The following RGS12 variants were observed in gnomAD, a reference collection of about 807,000 sequenced individuals.
The protein encoded by RGS12 is regulator of G protein signaling 12.
Under a neutral mutation model 120.1 loss-of-function variants are expected in RGS12, and 66 were observed. The ratio of observed to expected loss-of-function variants is 0.55; its 90% CI spans 0.45 to 0.67. The LOEUF (loss-of-function observed/expected upper bound fraction) is 0.67. Ranked by LOEUF, RGS12 falls within the 30% of genes least tolerant of loss-of-function variation. RGS12 has a pLI of 0.00. For synonymous variants in RGS12, 827 were observed against 804.7 expected (o/e 1.03, Z -0.47); for missense variants, 1,859 against 1,957.7 (o/e 0.95, Z 0.95).
Position 3,317,594 on chromosome 4 carries a change from C to G in RGS12, c.1424C>G (p.Pro475Arg). 3 of 1,592,622 alleles carry G rather than the reference C, an allele frequency of 1.9e-6. No homozygotes were observed. The highest frequency in any genetic ancestry group is 2.6e-6 in the Non-Finnish European group (3 of 1,168,960). The change falls in exon 2 of 18, where the codon CCC becomes CGC. Residue 475 changes from proline (P) to arginine (R), a missense_variant. Physicochemically the swap from Pro to Arg is moderately radical, Grantham distance 103. This residue lies in a region of RGS12 where 967 missense variants were observed against 994.2 expected (regional missense o/e 0.97). Transcript: ENST00000336727. The part of the protein sequence containing the change: ...AQPWGAPWTG[P>R]FCPDPEGSPP... ...CCCTGGGGTGCTCCCTGGACTGGGC[C>G]CTTCTGTCCGGACCCCGAAGGGAGC...
chr4:3,316,994 A>G lies in RGS12; in HGVS notation c.824A>G (p.Lys275Arg), dbSNP rs759713868. The G allele has an allele frequency of 6.2e-6, 10 of 1,613,684 alleles. No homozygotes were observed. In the East Asian group the frequency reaches 1.6e-4, roughly 25 times the overall value. ...AAAATCCACTCGCTGGTGACCATGA[A>G]GATCATGCACGACTGTGTGCAGCTG... ...EQKIHSLVTM[K>R]IMHDCVQLST... Residue 275 changes from lysine to arginine, a missense_variant, in exon 2 of 18, where the codon AAG (lysine) becomes AGG (arginine). Lys to Arg is a conservative substitution (Grantham distance 26). Coordinates refer to ENST00000336727, the MANE Select transcript of RGS12 (RefSeq NM_001394154.1).
rs1716172214 is a variant in RGS12 at position 3,365,184 on chromosome 4, G to A, written c.1999-21232G>A. On this transcript the variant is annotated intron_variant, in intron 3 of 17. Coordinates refer to ENST00000336727, the MANE Select transcript of RGS12 (RefSeq NM_001394154.1). The surrounding 1 kb of genome is among the most constrained non-coding windows in gnomAD (Gnocchi z 4.0). Reference sequence around the variant, plus strand: ...AGAGGGGATGTTCAGGGCCAGGGATGGCAGACCGCAGTCCCCGGCCAGATC... The same window carrying A: ...AGAGGGGATGTTCAGGGCCAGGGATAGCAGACCGCAGTCCCCGGCCAGATC... Among the ~76,000 whole-genome samples, 1 of 152,178 alleles carries A rather than the reference G, an allele frequency of 6.6e-6. No individual in the cohort carries two copies.
intron 17 of RGS12, chr4:3,432,078 G>A (rs1159201753): frequency 2.0e-6 from 2 of 985,308 alleles, no homozygotes; most frequent in East Asian, 2.3e-4. Flanking sequence ...CCCCTGGCCT[G>A]AGTCCCCCTC....
chr4:3,431,833 C>T, intron 17 of RGS12: 1 of 985,642 alleles, frequency 1.0e-6, no homozygotes, highest in Non-Finnish European at 1.2e-6. Flanking sequence ...TGCCCTGGTC[C>T]AGGATGCTGA....
intron 4 of RGS12, among the ~76,000 whole-genome samples, chr4:3,393,927 G>A (rs553878819): frequency 1.1e-4 from 17 of 152,274 alleles, no homozygotes; most frequent in Middle Eastern, 3.4e-3. Flanking sequence ...CCCCAGGCCC[G>A]TCCCTGGAGC....
At chr4:3,311,209 T>C (rs1258839768) in intron 1 of RGS12, among the ~76,000 whole-genome samples, 2 of 152,206 alleles carry the variant, frequency 1.3e-5, no homozygotes, top group Non-Finnish European at 2.9e-5. Context: ...TCACACTGTG[T>C]GCACGGGCAG....
intron 3 of RGS12, among the ~76,000 whole-genome samples, chr4:3,345,680 C>T (rs374005445): frequency 6.6e-6 from 1 of 152,214 alleles, no homozygotes; most frequent in Non-Finnish European, 1.5e-5. Flanking sequence ...ATCATCTCAA[C>T]GCGCTGGGCC....
At chr4:3,349,753 A>T (rs1318352619) in intron 3 of RGS12, among the ~76,000 whole-genome samples, 2 of 152,192 alleles carry the variant, frequency 1.3e-5, no homozygotes, top group Non-Finnish European at 2.9e-5. Flanking sequence ...TTTTCCCGTT[A>T]CATAATTACT....
rs368805733 is a variant in RGS12 at position 3,436,257 on chromosome 4, G to T, written c.4115-3198G>T. ...GTGGTGGGAAGGCTGGGAAGGGAAGGGGCCTTGGGAGCCACAGTGGATTGT... is the reference window on the plus strand; with the variant it reads ...GTGGTGGGAAGGCTGGGAAGGGAAGTGGCCTTGGGAGCCACAGTGGATTGT... On this transcript the variant is annotated intron_variant, in intron 17 of 17. Coordinates refer to ENST00000336727, the MANE Select transcript of RGS12 (RefSeq NM_001394154.1). 6.7e-4 allele frequency among the ~76,000 whole-genome samples: 102 copies of T among 152,278 alleles called. 1 individual carries two copies. The highest frequency in any genetic ancestry group is 2.4e-3 in the African/African-American group (98 of 41,544).
intron 1 of RGS12, among the ~76,000 whole-genome samples, chr4:3,315,512 G>C (rs1272224037): frequency 6.6e-6 from 1 of 152,182 alleles, no homozygotes; most frequent in African/African-American, 2.4e-5. Context: ...AAATTAATGT[G>C]GGAGGGTCAT....
intron 2 of RGS12, among the ~76,000 whole-genome samples, chr4:3,323,133 G>A (rs1725314445): frequency 6.6e-6 from 1 of 152,240 alleles, no homozygotes; most frequent in African/African-American, 2.4e-5. Flanking sequence ...CGTGCCCCTC[G>A]GTGGGAGGAC....
chr4:3,330,678 C>T (rs974175776), intron 2 of RGS12, among the ~76,000 whole-genome samples: 2 of 152,194 alleles, frequency 1.3e-5, no homozygotes, highest in South Asian at 2.1e-4. Context: ...TAAAGTAATA[C>T]GAGTTTCTAT....
rs151270602 is a variant in RGS12, at chr4:3,430,855, C to T, written c.4014C>T (p.Ala1338=). 5.0e-4 allele frequency: 803 copies of T among 1,611,770 alleles called. 3 individuals are homozygous for T. The highest frequency in any genetic ancestry group is 2.1e-3 in the Middle Eastern group (13 of 6,076). The change falls in exon 17 of 18, where the codon GCC becomes GCT. Residue 1338 remains alanine, a synonymous_variant. Coordinates refer to ENST00000336727, the MANE Select transcript of RGS12 (RefSeq NM_001394154.1). The part of the protein sequence containing the change: ...GIQTVEDEHV[A]ELTLMGEGDI... ...AGACGGTGGAGGATGAGCACGTGGC[C>T]GAGCTGACCCTGATGGGGGAGGGGG...
chr4:3,294,439 A>G (rs1023921563), intron 1 of RGS12, among the ~76,000 whole-genome samples: 5 of 151,784 alleles, frequency 3.3e-5, no homozygotes, highest in African/African-American at 1.2e-4. Flanking sequence ...ACCAGTTTAT[A>G]TTTCACTTTA....
chr4:3,378,684 G>C (rs535720978), intron 3 of RGS12: 1 of 152,322 alleles, frequency 6.6e-6, no homozygotes, highest in African/African-American at 2.4e-5. Flanking sequence ...CATCACCAGA[G>C]AAATGCAGTC....
At chr4:3,337,305 G>A (rs968418406) in intron 2 of RGS12, among the ~76,000 whole-genome samples, 3 of 152,258 alleles carry the variant, frequency 2.0e-5, no homozygotes, top group African/African-American at 7.2e-5. Context: ...GGGAAACAGT[G>A]TGGTGGCTCC....
At chr4:3,296,511 C>A (rs772534503) in intron 1 of RGS12, among the ~76,000 whole-genome samples, 1 of 152,180 alleles carries the variant, frequency 6.6e-6, no homozygotes, top group Admixed American at 6.5e-5. Flanking sequence ...CTGCCATGTT[C>A]AAATTTCCAG....
At chr4:3,375,134 AG>A (rs1424820500) in intron 3 of RGS12, among the ~76,000 whole-genome samples, 2 of 152,198 alleles carry the variant, frequency 1.3e-5, no homozygotes, top group Non-Finnish European at 2.9e-5. Context: ...TGAGGGAGAC[AG>A]GAGGCTCAGA....
intron 4 of RGS12, among the ~76,000 whole-genome samples, chr4:3,400,066 G>T (rs892763512): frequency 6.6e-6 from 1 of 152,104 alleles, no homozygotes; most frequent in South Asian, 2.1e-4. Context: ...TCTTCCACAA[G>T]GGGGGGCAAC....
Sources: allele counts gnomAD v4.1 joint callset (sites outside exome capture counted in the v4.1 genomes callset), GRCh38; gene constraint gnomAD v4.1.1; regional missense constraint gnomAD v4.1.1; non-coding constraint Gnocchi (gnomAD v3.1); transcripts MANE v1.5; gene names NCBI Gene and HGNC (gene_info 2026-07-23, HGNC 2026-07-21).